DNAJC13: variants seen among roughly 807,000 people sequenced by gnomAD.
The protein encoded by DNAJC13 is dnaJ homolog subfamily C member 13.
A neutral mutation model predicts 290.5 loss-of-function variants in DNAJC13; 75 were observed. The observed-to-expected ratio is 0.26, with a 90% CI of 0.21 to 0.31. The LOEUF (loss-of-function observed/expected upper bound fraction) is 0.31. DNAJC13 is among the 10% of genes least tolerant of loss of function. The pLI is 1.00. For missense variants in DNAJC13, 2,260 were observed against 2,674.5 expected, an observed-to-expected ratio of 0.85 and a Z score of 3.42; for synonymous variants, 862 against 892.0, an observed-to-expected ratio of 0.97 and a Z score of 0.60.
At chr3:132,435,824 A>G (rs1939370602) in intron 2 of DNAJC13, among the ~76,000 whole-genome samples, 1 of 152,230 alleles carries the variant, frequency 6.6e-6, no homozygotes. Flanking sequence ...TGATTATAAC[A>G]TACTGATACA....
intron 2 of DNAJC13, among the ~76,000 whole-genome samples, chr3:132,435,105 T>G (rs962210792): frequency 2.0e-5 from 3 of 152,208 alleles, no homozygotes; most frequent in Non-Finnish European, 4.4e-5. Flanking sequence ...ATGGCATTTT[T>G]TAGTAGCTTC....
At chr3:132,449,945 C>T (rs1262332656) in intron 5 of DNAJC13, among the ~76,000 whole-genome samples, 1 of 151,952 alleles carries the variant, frequency 6.6e-6, no homozygotes, top group Non-Finnish European at 1.5e-5. Flanking sequence ...TGCTTAGCAG[C>T]CTTGATTAAA....
At chr3:132,496,276 G>T (rs1254861376) in intron 35 of DNAJC13, among the ~76,000 whole-genome samples, 17 of 152,078 alleles carry the variant, frequency 1.1e-4, no homozygotes, top group Non-Finnish European at 2.5e-4. Flanking sequence ...TTAACATGAT[G>T]TATTTAAGGA....
chr3:132,472,482 A>T, intron 20 of DNAJC13: 6 of 805,916 alleles, frequency 7.4e-6, no homozygotes, highest in Non-Finnish European at 9.0e-6. Flanking sequence ...TGTGTAATAG[A>T]TATAATTTAG....
chr3:132,525,651 C>T lies in DNAJC13; in HGVS notation c.6102C>T (p.Leu2034=), dbSNP rs749261404. The part of the protein sequence containing the change: ...LETLTMATVC[L]FSAQPQLADQ... ...CCTTGACAATGGCAACAGTGTGTCT[C>T]TTCAGCGCACAACCTCAGCTGGCAG... Residue 2034 remains leucine, a synonymous_variant, in exon 52 of 56, where the codon CTC becomes CTT. Coordinates refer to ENST00000260818, the MANE Select transcript of DNAJC13 (RefSeq NM_015268.4). 2 of 1,614,072 alleles carry T rather than the reference C, an allele frequency of 1.2e-6. No individual in the cohort carries two copies. The highest frequency in any genetic ancestry group is 1.7e-5 in the Admixed American group (1 of 60,014).
intron 41 of DNAJC13, 90 bp downstream of exon 41, chr3:132,503,471 C>G: frequency 7.0e-7 from 1 of 1,438,574 alleles, no homozygotes; most frequent in Non-Finnish European, 9.5e-7. Context: ...TCTAGGGAAC[C>G]TAAAAATTAA....
At chr3:132,465,862 A>C (rs1000587966) in intron 17 of DNAJC13, 133 bp from the exon 18 acceptor site, 1 of 574,680 alleles carries the variant, frequency 1.7e-6, no homozygotes, top group Non-Finnish European at 3.1e-6. Context: ...TTTAATAACT[A>C]TTTTTAACAT....
chr3:132,476,920 C>T (rs1296639028), intron 22 of DNAJC13, among the ~76,000 whole-genome samples: 1 of 152,190 alleles, frequency 6.6e-6, no homozygotes, highest in Non-Finnish European at 1.5e-5. Flanking sequence ...CTCTGCCTAT[C>T]CCCATTTCCT....
Position 132,432,802 on chromosome 3 carries a change from C to T in DNAJC13, c.-13-1736C>T, listed in dbSNP as rs954731468. On this transcript the variant is annotated intron_variant, in intron 1 of 55. Coordinates refer to ENST00000260818, the MANE Select transcript of DNAJC13 (RefSeq NM_015268.4). ...TGTGACTGTTAGGAGGCTGATTCCA[C>T]GAGTGAGTCATCACACAGATTCAAC... Among the ~76,000 whole-genome samples, 3 of 152,162 alleles carry T rather than the reference C, an allele frequency of 2.0e-5. No individual in the cohort carries two copies. The South Asian group carries it at 6.2e-4, about 32-fold the overall frequency.
rs1405890579 is a variant in DNAJC13 at position 132,499,133 on chromosome 3, G to C, written c.4164G>C (p.Gln1388His). ...ILFNRHKEDL[Q>H]PYKYAGYPML... is the part of the protein sequence containing the mutation. Reference sequence around the variant, plus strand: ...AACCATTGGTTATTTCAGATTTACAGCCTTATAAATATGCAGGATACCCCA... The same window carrying C: ...AACCATTGGTTATTTCAGATTTACACCCTTATAAATATGCAGGATACCCCA... Residue 1388 changes from glutamine to histidine, a missense_variant, in exon 37 of 56, where the codon CAG becomes CAC. Physicochemically the swap from Gln to His is conservative, Grantham distance 24 (BLOSUM62 0). Transcript: ENST00000260818. 1 of 1,597,104 alleles carries C rather than the reference G, an allele frequency of 6.3e-7. No homozygotes were observed. Among genetic ancestry groups the C allele is most frequent in the African/African-American group, 1.3e-5 (1 of 74,322 alleles).
At position 132,522,840 on chromosome 3, in the gene DNAJC13, T is replaced by A; in HGVS notation, c.5686T>A (p.Leu1896Ile). Residue 1896 changes from leucine (L) to isoleucine (I), a missense_variant, in exon 49 of 56, where the codon TTA (leucine) becomes ATA (isoleucine). Physicochemically the swap from Leu to Ile is conservative, Grantham distance 5. Transcript: ENST00000260818. ...CTTCCTCGTATAGGTTCGAATTACG[T>A]TAATGAAATTTCTACCAAGCGTTTT... ...KLIGPKVRIT[L>I]MKFLPSVFMD... The A allele has an allele frequency of 1.2e-6, 2 of 1,606,764 alleles. No homozygotes were observed. Among genetic ancestry groups the A allele is most frequent in the Non-Finnish European group, 1.7e-6 (2 of 1,177,978 alleles).
chr3:132,471,339 G>C (rs562719964), intron 20 of DNAJC13, among the ~76,000 whole-genome samples: 1 of 144,584 alleles, frequency 6.9e-6, no homozygotes, highest in South Asian at 2.2e-4. Flanking sequence ...GCCGGGCGGG[G>C]GGTTGACCCC....
chr3:132,463,888 A>G (rs2107676144), intron 17 of DNAJC13, 71 bp downstream of exon 17: 1 of 1,501,718 alleles, frequency 6.7e-7, no homozygotes, highest in Non-Finnish European at 9.1e-7. Flanking sequence ...GTTACATAAA[A>G]CTAAATGTGT....
chr3:132,503,870 CTT>C (rs1241940182), intron 41 of DNAJC13, among the ~76,000 whole-genome samples: 3 of 152,028 alleles, frequency 2.0e-5, no homozygotes, highest in Non-Finnish European at 2.9e-5. Context: ...CTCCCAACCT[CTT>C]TAACTTCTTT....
chr3:132,517,471 G>A (rs1188193154), intron 48 of DNAJC13, among the ~76,000 whole-genome samples: 1 of 152,116 alleles, frequency 6.6e-6, no homozygotes, highest in Non-Finnish European at 1.5e-5. Context: ...AGTCCTCTGT[G>A]CCTGCCCACA....
chr3:132,526,875 A>G (rs770428626), intron 53 of DNAJC13, among the ~76,000 whole-genome samples: 3 of 152,228 alleles, frequency 2.0e-5, no homozygotes, highest in Non-Finnish European at 4.4e-5. Flanking sequence ...CAAATACCAC[A>G]TGATCTGACT....
intron 54 of DNAJC13, among the ~76,000 whole-genome samples, chr3:132,530,013 C>T (rs1936368173): frequency 6.6e-6 from 1 of 151,990 alleles, no homozygotes; most frequent in African/African-American, 2.4e-5. Context: ...ATGAAATTAG[C>T]AAAGTAATCC....
At chr3:132,461,511 G>A (rs976992175) in intron 15 of DNAJC13, among the ~76,000 whole-genome samples, 2 of 152,152 alleles carry the variant, frequency 1.3e-5, no homozygotes, top group South Asian at 4.1e-4. Context: ...ATCCATGTAG[G>A]CTGCGGGTTG....
At chr3:132,536,880 A>G (rs779031057) in intron 55 of DNAJC13, among the ~76,000 whole-genome samples, 1 of 152,148 alleles carries the variant, frequency 6.6e-6, no homozygotes, top group Non-Finnish European at 1.5e-5. Context: ...TGTAAGTTCT[A>G]CAAGTACAAG....
Sources: allele counts gnomAD v4.1 joint callset (sites outside exome capture counted in the v4.1 genomes callset), GRCh38; gene constraint gnomAD v4.1.1; transcripts MANE v1.5; gene names NCBI Gene and HGNC (gene_info 2026-07-23, HGNC 2026-07-21).